The following MEGF11 variants were observed in gnomAD, a reference collection of about 807,000 sequenced individuals.
The protein encoded by MEGF11 is multiple epidermal growth factor-like domains protein 11.
A neutral mutation model predicts 146.6 loss-of-function variants in MEGF11; 126 were observed. That is an observed-to-expected ratio of 0.86 (90% CI 0.74 to 1.00). The LOEUF is 1.00. MEGF11 is among the 50% of genes least tolerant of loss of function. MEGF11 has a pLI of 0.00. For missense variants in MEGF11, 1,509 were observed against 1,521.2 expected (o/e 0.99, Z 0.13); for synonymous variants, 532 against 583.4 (o/e 0.91, Z 1.27).
At chr15:66,079,601 C>T (rs982765555) in intron 5 of MEGF11, among the ~76,000 whole-genome samples, 5 of 151,174 alleles carry the variant, frequency 3.3e-5, no homozygotes, top group African/African-American at 1.2e-4. Context: ...AGTGTTCCAC[C>T]AGACAGGCCG....
chr15:66,017,469 C>T (rs1190781173), intron 5 of MEGF11, among the ~76,000 whole-genome samples: 1 of 152,196 alleles, frequency 6.6e-6, no homozygotes, highest in African/African-American at 2.4e-5. Flanking sequence ...AAGTGAAGAA[C>T]CTGGATGGGG....
intron 1 of MEGF11, among the ~76,000 whole-genome samples, chr15:66,146,072 G>C (rs899023516): frequency 6.6e-6 from 1 of 151,954 alleles, no homozygotes; most frequent in Non-Finnish European, 1.5e-5. Context: ...TATCCTTTTT[G>C]GGTTTTTAAT....
intron 17 of MEGF11, 32 bp downstream of exon 17, chr15:65,916,796 A>C: frequency 6.2e-7 from 1 of 1,609,072 alleles, no homozygotes; most frequent in Admixed American, 1.7e-5. Context: ...ATGGTATTCT[A>C]AGTGGCTGGG....
chr15:66,105,052 A>G (rs1464647922), intron 4 of MEGF11, among the ~76,000 whole-genome samples: 1 of 152,160 alleles, frequency 6.6e-6, no homozygotes, highest in Non-Finnish European at 1.5e-5. Context: ...AACTAGATTC[A>G]AATCTGGCAA....
chr15:66,172,999 C>G (rs1041593561), intron 1 of MEGF11, among the ~76,000 whole-genome samples: 6 of 152,170 alleles, frequency 3.9e-5, no homozygotes, highest in African/African-American at 1.4e-4. Flanking sequence ...GGGGAGTGTT[C>G]AAGGTGCTAT....
intron 1 of MEGF11, among the ~76,000 whole-genome samples, chr15:66,177,011 C>G (rs974963221): frequency 2.6e-5 from 4 of 152,196 alleles, no homozygotes; most frequent in African/African-American, 4.8e-5. Context: ...TGGTAACTCC[C>G]ACCTTTCAAG....
chr15:66,141,308 G>GAGAGAA (rs762646790), intron 1 of MEGF11, among the ~76,000 whole-genome samples: 1 of 148,380 alleles, frequency 6.7e-6, no homozygotes, highest in Non-Finnish European at 1.5e-5. Context: ...GAGAGAGAGA[G>GAGAGAA]ACAGGGATAG....
At chr15:66,096,001 C>G (rs2086536143) in intron 4 of MEGF11, among the ~76,000 whole-genome samples, 1 of 152,210 alleles carries the variant, frequency 6.6e-6, no homozygotes, top group Non-Finnish European at 1.5e-5. Flanking sequence ...TGCCCGGGCT[C>G]CCCCTGTTCT....
chr15:65,971,881 G>C (rs1165310859), intron 7 of MEGF11, among the ~76,000 whole-genome samples: 1 of 151,896 alleles, frequency 6.6e-6, no homozygotes, highest in Non-Finnish European at 1.5e-5. Flanking sequence ...CCTGGAGCAA[G>C]GAAAACCTAA....
intron 1 of MEGF11, among the ~76,000 whole-genome samples, chr15:66,186,858 G>T (rs977053598): frequency 6.6e-6 from 1 of 152,234 alleles, no homozygotes. Flanking sequence ...CAAGAAACTT[G>T]CCCAGGGTCA....
chr15:66,194,144 C>T (rs2090950200), intron 1 of MEGF11, among the ~76,000 whole-genome samples: 1 of 152,178 alleles, frequency 6.6e-6, no homozygotes, highest in African/African-American at 2.4e-5. Flanking sequence ...ATGTGGTATA[C>T]ATACCATGGA....
At chr15:65,922,522 G>GCCTAGCTAC (rs771668330) in intron 14 of MEGF11, 50 bp from the exon 15 acceptor site, 10 of 1,495,986 alleles carry the variant, frequency 6.7e-6, no homozygotes, top group Non-Finnish European at 8.9e-6. Flanking sequence ...ACCCCAGCCA[G>GCCTAGCTAC]CCTAGCTACC....
chr15:65,950,214 T>C (rs1345726970), intron 10 of MEGF11, among the ~76,000 whole-genome samples: 1 of 152,236 alleles, frequency 6.6e-6, no homozygotes, highest in Non-Finnish European at 1.5e-5. Context: ...CTAGACATTC[T>C]AAGCACTTTA....
At chr15:66,150,825 A>T (rs78798573) in intron 1 of MEGF11, among the ~76,000 whole-genome samples, 46 of 3,738 alleles carry the variant, frequency 0.012, no homozygotes, top group South Asian at 0.021. Context: ...TGCCCTGTCG[A>T]GAGAGAGAGA....
chr15:65,987,679 C>T (rs1167648768), intron 5 of MEGF11, among the ~76,000 whole-genome samples: 2 of 152,132 alleles, frequency 1.3e-5, no homozygotes, highest in African/African-American at 4.8e-5. Context: ...TCCCCTACCA[C>T]ACTGGTAACC....
intron 5 of MEGF11, among the ~76,000 whole-genome samples, chr15:66,041,379 G>A (rs1002069375): frequency 1.3e-5 from 2 of 152,226 alleles, no homozygotes; most frequent in African/African-American, 2.4e-5. Flanking sequence ...CAGAGTGGGG[G>A]TACCCACAAC....
intron 1 of MEGF11, among the ~76,000 whole-genome samples, chr15:66,162,539 T>G (rs1789083755): frequency 6.6e-6 from 1 of 152,204 alleles, no homozygotes; most frequent in African/African-American, 2.4e-5. Context: ...GTGCTTACTG[T>G]ATGATTCCAT....
rs117792367 is a variant in MEGF11, at chr15:65,931,476, A to G, written c.1288-533T>C. Among the ~76,000 whole-genome samples the G allele has an allele frequency of 5.1e-4, 78 of 152,326 alleles. No homozygotes were observed. The East Asian group carries it at 0.014, about 28-fold the overall frequency. ...GGCACCTTGGCTTCAGCCTCGTGAA[A>G]CCCATGCCAGACTTCTGACCTTCAG... On this transcript the variant is annotated intron_variant, in intron 10 of 25. Coordinates refer to ENST00000395614, the MANE Select transcript of MEGF11 (RefSeq NM_001385028.1).
At chr15:66,126,248 A>G (rs1472299133) in intron 2 of MEGF11, among the ~76,000 whole-genome samples, 3 of 152,306 alleles carry the variant, frequency 2.0e-5, no homozygotes, top group African/African-American at 7.2e-5. Context: ...ATCCCTCCAC[A>G]TATAACTTAC....
Sources: gnomAD v4.1 joint callset for allele counts (sites outside exome capture counted in the v4.1 genomes callset) on GRCh38, gnomAD v4.1.1 for gene constraint, MANE v1.5 for transcripts, NCBI Gene and HGNC (gene_info 2026-07-23, HGNC 2026-07-21) for gene names.